The following CLIC4 variants were observed in gnomAD, a reference collection of about 807,000 sequenced individuals.
CLIC4 encodes the protein chloride intracellular channel protein 4.
In CLIC4, 13 loss-of-function variants were observed where a neutral mutation model predicts 24.6. The observed-to-expected ratio is 0.53, with a 90% CI of 0.34 to 0.84. The LOEUF is 0.84. Ranked by LOEUF, CLIC4 falls within the 40% of genes least tolerant of loss-of-function variation. The pLI is 0.01. For synonymous variants in CLIC4, 104 were observed against 111.3 expected (o/e 0.93, Z 0.41); for missense variants, 227 against 301.7 (o/e 0.75, Z 1.83).
chr1:24,752,301 C>A (rs1343264248), intron 1 of CLIC4, among the ~76,000 whole-genome samples: 1 of 152,116 alleles, frequency 6.6e-6, no homozygotes, highest in African/African-American at 2.4e-5. Context: ...GTTATCCCCC[C>A]ACAAACAGTG....
At chr1:24,783,339 C>G (rs1639227860) in intron 1 of CLIC4, among the ~76,000 whole-genome samples, 1 of 152,114 alleles carries the variant, frequency 6.6e-6, no homozygotes, top group Non-Finnish European at 1.5e-5. Flanking sequence ...AGCCCTGGTC[C>G]CTAACATCAC....
intron 1 of CLIC4, among the ~76,000 whole-genome samples, chr1:24,779,462 T>A (rs906198058): frequency 3.9e-5 from 6 of 152,104 alleles, no homozygotes; most frequent in African/African-American, 1.2e-4. Flanking sequence ...TGAGTGAGTG[T>A]TTGTCTCAAA....
At chr1:24,829,380 CTG>C (rs1639818018) in intron 4 of CLIC4, among the ~76,000 whole-genome samples, 1 of 152,136 alleles carries the variant, frequency 6.6e-6, no homozygotes, top group South Asian at 2.1e-4. Context: ...GGGAGAGACA[CTG>C]ATGATAGATA....
intron 2 of CLIC4, among the ~76,000 whole-genome samples, chr1:24,806,930 C>A (rs941095196): frequency 1.1e-4 from 17 of 152,276 alleles, no homozygotes; most frequent in Middle Eastern, 3.4e-3. Context: ...TTTGGGACTT[C>A]AAGCCAGTCC....
intron 1 of CLIC4, among the ~76,000 whole-genome samples, chr1:24,769,368 G>A (rs746888601): frequency 5.3e-5 from 8 of 152,148 alleles, no homozygotes; most frequent in African/African-American, 1.9e-4. Flanking sequence ...TGTGCCAGCC[G>A]TTTGCATGTG....
At chr1:24,747,620 A>T (rs1638719217) in intron 1 of CLIC4, among the ~76,000 whole-genome samples, 1 of 151,738 alleles carries the variant, frequency 6.6e-6, no homozygotes, top group Admixed American at 6.6e-5. Context: ...GAGATGAGTT[A>T]AAAAAAATTT....
At chr1:24,827,771 T>C (rs573531590) in intron 4 of CLIC4, among the ~76,000 whole-genome samples, 37 of 152,202 alleles carry the variant, frequency 2.4e-4, no homozygotes, top group Non-Finnish European at 4.6e-4. Flanking sequence ...ACACTATTTT[T>C]ATTATTTTAT....
intron 3 of CLIC4, among the ~76,000 whole-genome samples, chr1:24,822,574 T>G (rs907281551): frequency 1.3e-5 from 2 of 151,806 alleles, no homozygotes; most frequent in Non-Finnish European, 2.9e-5. Flanking sequence ...GGACTTCAAG[T>G]GATCCGACCT....
intron 1 of CLIC4, among the ~76,000 whole-genome samples, chr1:24,752,287 A>G (rs1435935478): frequency 1.3e-5 from 2 of 152,194 alleles, no homozygotes; most frequent in Non-Finnish European, 2.9e-5. Context: ...AGTTGCTGTA[A>G]TAAGTTATCC....
At chr1:24,794,553 TTTTG>T (rs1480680210) in intron 1 of CLIC4, among the ~76,000 whole-genome samples, 1 of 152,238 alleles carries the variant, frequency 6.6e-6, no homozygotes, top group East Asian at 1.9e-4. Context: ...ATATTTGTAA[TTTTG>T]TTTAAGTTCC....
rs1277473271 is a variant in CLIC4 at position 24,842,503 on chromosome 1, T to G, written c.*1566T>G. 6.6e-6 allele frequency: 1 copy of G among 152,212 alleles called. No homozygotes were observed. The highest frequency in any genetic ancestry group is 1.5e-5 in the Non-Finnish European group (1 of 68,022). The allele number at this position is 152,212 out of a possible 1,614,324, so 9.4% of individuals were successfully genotyped here. On this transcript the variant is annotated 3_prime_UTR_variant, in exon 6 of 6. Transcript: ENST00000374379. ...TGGCAGTGTTTCTCCCACTTTGATA[T>G]GCTAACATTTAGTAAGCACTGGCTT...
chr1:24,747,095 A>ATT (rs749648001), intron 1 of CLIC4, among the ~76,000 whole-genome samples: 125 of 120,226 alleles, frequency 1.0e-3, no homozygotes, highest in African/African-American at 1.8e-3. Context: ...TCAATTTTCG[A>ATT]TTTTTTTTTT....
chr1:24,776,994 C>T (rs979955136), intron 1 of CLIC4, among the ~76,000 whole-genome samples: 1 of 152,166 alleles, frequency 6.6e-6, no homozygotes, highest in African/African-American at 2.4e-5. Flanking sequence ...CAACAATGGC[C>T]TCGGGAGCCG....
rs140509395 is a variant in CLIC4, at chr1:24,808,882, C to T, written c.183-5212C>T. On this transcript the variant is annotated intron_variant, in intron 2 of 5. Coordinates refer to ENST00000374379, the MANE Select transcript of CLIC4 (RefSeq NM_013943.3). Reference sequence around the variant, plus strand: ...TAGTAGAGACAGGGTTTCACAATGTCGGCCAGGCTGGTCTCAAACTCCCGA... The same window carrying T: ...TAGTAGAGACAGGGTTTCACAATGTTGGCCAGGCTGGTCTCAAACTCCCGA... Among the ~76,000 whole-genome samples, 42 of 151,876 alleles carry T rather than the reference C, an allele frequency of 2.8e-4. No individual in the cohort carries two copies. The East Asian group carries it at 7.5e-3, about 27-fold the overall frequency.
At chr1:24,766,381 C>T (rs1337022445) in intron 1 of CLIC4, among the ~76,000 whole-genome samples, 1 of 149,598 alleles carries the variant, frequency 6.7e-6, no homozygotes, top group Non-Finnish European at 1.5e-5. Flanking sequence ...ATCCACCTAT[C>T]TTGGCCTCCC....
intron 1 of CLIC4, among the ~76,000 whole-genome samples, chr1:24,754,319 G>A (rs1279038092): frequency 6.6e-6 from 1 of 152,192 alleles, no homozygotes; most frequent in African/African-American, 2.4e-5. Context: ...GTCAGGAAAT[G>A]TCACAGTTGG....
intron 3 of CLIC4, among the ~76,000 whole-genome samples, chr1:24,814,724 T>G (rs1274943350): frequency 6.6e-6 from 1 of 152,242 alleles, no homozygotes; most frequent in Non-Finnish European, 1.5e-5. Context: ...TTCTTTGAGG[T>G]GTTCCAGATC....
intron 1 of CLIC4, among the ~76,000 whole-genome samples, chr1:24,759,042 G>A (rs1056455729): frequency 5.9e-5 from 9 of 152,116 alleles, no homozygotes; most frequent in African/African-American, 2.2e-4. Context: ...AAGAAAGCAG[G>A]TCATGAAAGT....
chr1:24,819,883 G>A (rs1422087142), intron 3 of CLIC4, among the ~76,000 whole-genome samples: 1 of 148,730 alleles, frequency 6.7e-6, no homozygotes, highest in African/African-American at 2.5e-5. Flanking sequence ...GGGATTACAG[G>A]TGCCCGCCAC....
Sources: gnomAD v4.1 joint callset for allele counts (sites outside exome capture counted in the v4.1 genomes callset) on GRCh38, gnomAD v4.1.1 for gene constraint, MANE v1.5 for transcripts, NCBI Gene and HGNC (gene_info 2026-07-23, HGNC 2026-07-21) for gene names.